The following CTNNBL1 variants were observed in gnomAD, a reference collection of about 807,000 sequenced individuals.
The protein encoded by CTNNBL1 is catenin beta like 1, also known as beta-catenin-like protein 1.
Under a neutral mutation model 72.7 loss-of-function variants are expected in CTNNBL1, and 31 were observed. The ratio of observed to expected loss-of-function variants is 0.43; its 90% CI spans 0.32 to 0.58. The LOEUF is 0.58. CTNNBL1 is among the 20% of genes least tolerant of loss of function. CTNNBL1 has a pLI of 0.08. For missense variants in CTNNBL1, 534 were observed against 725.1 expected, an observed-to-expected ratio of 0.74 and a Z score of 3.03; for synonymous variants, 240 against 267.3, an observed-to-expected ratio of 0.90 and a Z score of 1.00.
intron 11 of CTNNBL1, 115 bp from the exon 12 acceptor site, chr20:37,839,987 C>A: frequency 4.5e-6 from 3 of 666,908 alleles, no homozygotes; most frequent in Admixed American, 2.6e-5. Context: ...TAATCAATAG[C>A]AGCAGTCAGA....
intron 11 of CTNNBL1, among the ~76,000 whole-genome samples, chr20:37,806,560 A>G (rs1356934558): frequency 6.6e-6 from 1 of 152,178 alleles, no homozygotes; most frequent in African/African-American, 2.4e-5. Context: ...TTTTGGGGGA[A>G]AGCTACACAT....
chr20:37,858,708 A>C (rs2072464258), intron 13 of CTNNBL1, among the ~76,000 whole-genome samples: 2 of 152,242 alleles, frequency 1.3e-5, no homozygotes, highest in African/African-American at 2.4e-5. Context: ...ATTATATCTC[A>C]GTAAAGCTGG....
chr20:37,862,619 C>A (rs7271383), intron 15 of CTNNBL1, among the ~76,000 whole-genome samples: 1 of 152,150 alleles, frequency 6.6e-6, no homozygotes, highest in African/African-American at 2.4e-5. Context: ...CCTGGGCAAG[C>A]GAGCAGGTGA....
chr20:37,796,212 G>A (rs2073772635), intron 10 of CTNNBL1, among the ~76,000 whole-genome samples: 1 of 152,188 alleles, frequency 6.6e-6, no homozygotes, highest in African/African-American at 2.4e-5. Context: ...TCTCTCTGCA[G>A]TAGTGATTAG....
chr20:37,839,596 G>C (rs748326424), intron 11 of CTNNBL1, among the ~76,000 whole-genome samples: 13 of 152,168 alleles, frequency 8.5e-5, no homozygotes, highest in Non-Finnish European at 1.8e-4. Flanking sequence ...AACTTGAAGC[G>C]GGGATGTTAG....
intron 9 of CTNNBL1, among the ~76,000 whole-genome samples, chr20:37,778,138 G>GT (rs1260887612): frequency 1.3e-5 from 2 of 152,092 alleles, no homozygotes; most frequent in Admixed American, 6.6e-5. Flanking sequence ...CTGCAGTGGG[G>GT]TGGGGGTCAA....
intron 2 of CTNNBL1, among the ~76,000 whole-genome samples, chr20:37,734,960 G>A (rs569828216): frequency 2.0e-5 from 3 of 152,336 alleles, no homozygotes; most frequent in African/African-American, 7.2e-5. Flanking sequence ...AGTGGGGCAA[G>A]ATGTTAGCTA....
intron 15 of CTNNBL1, among the ~76,000 whole-genome samples, chr20:37,867,014 G>A (rs1156240837): frequency 6.6e-6 from 1 of 152,168 alleles, no homozygotes; most frequent in African/African-American, 2.4e-5. Context: ...CATGACCATT[G>A]GCATTGTAAG....
At chr20:37,736,341 T>A (rs937288408) in intron 2 of CTNNBL1, among the ~76,000 whole-genome samples, 4 of 152,202 alleles carry the variant, frequency 2.6e-5, no homozygotes, top group African/African-American at 9.7e-5. Flanking sequence ...TGCCAACTTC[T>A]GCTGTAGGAA....
chr20:37,824,199 G>A (rs756660334), intron 11 of CTNNBL1, among the ~76,000 whole-genome samples: 1 of 152,242 alleles, frequency 6.6e-6, no homozygotes, highest in Non-Finnish European at 1.5e-5. Context: ...CAGCCTCATA[G>A]CACTTCTTCA....
chr20:37,841,658 C>A (rs1000449661), intron 12 of CTNNBL1, among the ~76,000 whole-genome samples: 2 of 152,160 alleles, frequency 1.3e-5, no homozygotes, highest in Non-Finnish European at 2.9e-5. Flanking sequence ...GGAGTCTGGG[C>A]TGGCTTCACA....
At chr20:37,820,969 A>C (rs1225965177) in intron 11 of CTNNBL1, among the ~76,000 whole-genome samples, 5 of 152,186 alleles carry the variant, frequency 3.3e-5, no homozygotes. Flanking sequence ...TTTGCATGAC[A>C]GAAGACCTGC....
At chr20:37,852,179 C>G (rs563466501) in intron 13 of CTNNBL1, among the ~76,000 whole-genome samples, 18 of 152,326 alleles carry the variant, frequency 1.2e-4, no homozygotes, top group African/African-American at 4.3e-4. Context: ...TCTTAACTCT[C>G]CTGTCTTGTT....
intron 1 of CTNNBL1, among the ~76,000 whole-genome samples, chr20:37,704,947 C>T (rs773981668): frequency 1.4e-4 from 22 of 152,188 alleles, no homozygotes; most frequent in Non-Finnish European, 2.2e-4. Context: ...TTTCTGCAGT[C>T]TCTCAGTAGT....
intron 13 of CTNNBL1, among the ~76,000 whole-genome samples, chr20:37,843,322 T>C (rs1405726183): frequency 6.6e-6 from 1 of 152,220 alleles, no homozygotes; most frequent in African/African-American, 2.4e-5. Context: ...TTGAGGCTTT[T>C]GAACTTCACT....
intron 11 of CTNNBL1, among the ~76,000 whole-genome samples, chr20:37,805,165 CTG>C (rs763198178): frequency 9.1e-4 from 138 of 152,382 alleles, no homozygotes; most frequent in Non-Finnish European, 1.8e-3. Flanking sequence ...CTGGGTAAGA[CTG>C]TGCTCTTTGT....
chr20:37,736,883 A>G (rs1172237469), intron 2 of CTNNBL1, among the ~76,000 whole-genome samples: 1 of 152,178 alleles, frequency 6.6e-6, no homozygotes, highest in African/African-American at 2.4e-5. Flanking sequence ...CCCGAAAAGA[A>G]GCATGTGATT....
At chr20:37,812,584 A>T (rs1382752471) in intron 11 of CTNNBL1, among the ~76,000 whole-genome samples, 1 of 152,240 alleles carries the variant, frequency 6.6e-6, no homozygotes, top group East Asian at 1.9e-4. Context: ...CTGCCCTTGC[A>T]GAGGGTCTAT....
At chr20:37,765,441 T>C (rs2073458496) in intron 6 of CTNNBL1, 151 bp downstream of exon 6, 1 of 586,896 alleles carries the variant, frequency 1.7e-6, no homozygotes, top group Admixed American at 2.9e-5. Context: ...ATGAAGACCT[T>C]TGTGTAAATT....
Sources: allele counts gnomAD v4.1 joint callset (sites outside exome capture counted in the v4.1 genomes callset), GRCh38; gene constraint gnomAD v4.1.1; transcripts MANE v1.5; gene names NCBI Gene and HGNC (gene_info 2026-07-23, HGNC 2026-07-21).